CABLES1: variants seen among roughly 807,000 people sequenced by gnomAD.
CABLES1 encodes the protein CDK5 and ABL1 enzyme substrate 1.
Under a neutral mutation model 57.8 loss-of-function variants are expected in CABLES1, and 36 were observed. The observed-to-expected ratio is 0.62, with a 90% CI of 0.48 to 0.82. CABLES1 has a LOEUF of 0.82. Among genes scored for constraint, CABLES1 ranks in the 40% least tolerant of loss-of-function variants. The pLI, the probability that CABLES1 is intolerant of heterozygous loss-of-function variation, is 0.00. For missense variants in CABLES1, 767 were observed against 836.6 expected, an observed-to-expected ratio of 0.92 and a Z score of 1.03; for synonymous variants, 374 against 363.0, an observed-to-expected ratio of 1.03 and a Z score of -0.35.
rs375241211 is a variant in CABLES1, at chr18:23,159,049, G to A, written c.845+22442G>A. Among the ~76,000 whole-genome samples the A allele has an allele frequency of 3.9e-5, 6 of 152,236 alleles. No homozygotes were observed. In the South Asian group the frequency reaches 1.0e-3, roughly 26 times the overall value. On this transcript the variant is annotated intron_variant, in intron 1 of 9. Transcript: ENST00000256925. ...GGCGCGATCTCGGCTCACTGTAACCGCCACCTCTTGAGTTCAAGCGATTCT... is the reference window on the plus strand; with the variant it reads ...GGCGCGATCTCGGCTCACTGTAACCACCACCTCTTGAGTTCAAGCGATTCT...
chr18:23,149,186 G>A (rs1351348955), intron 1 of CABLES1, among the ~76,000 whole-genome samples: 1 of 152,082 alleles, frequency 6.6e-6, no homozygotes, highest in African/African-American at 2.4e-5. Flanking sequence ...GAGCCACTGC[G>A]CCTGGCCTCA....
chr18:23,167,735 G>T (rs1411397807), intron 1 of CABLES1, among the ~76,000 whole-genome samples: 2 of 132,350 alleles, frequency 1.5e-5, no homozygotes, highest in Non-Finnish European at 3.2e-5. Context: ...GCAAGGAGGG[G>T]TCTGTGAGCA....
intron 3 of CABLES1, among the ~76,000 whole-genome samples, chr18:23,206,282 A>T (rs1346780071): frequency 6.6e-6 from 1 of 152,130 alleles, no homozygotes; most frequent in Non-Finnish European, 1.5e-5. Context: ...CGACTTCCCC[A>T]CAGGGCTCAG....
At chr18:23,236,296 C>T (rs2047611365) in intron 6 of CABLES1, among the ~76,000 whole-genome samples, 1 of 152,190 alleles carries the variant, frequency 6.6e-6, no homozygotes, top group African/African-American at 2.4e-5. Flanking sequence ...AGGCCGTGCA[C>T]ACCATGTAGA....
At chr18:23,256,086 C>T (rs777025878) in intron 9 of CABLES1, among the ~76,000 whole-genome samples, 21 of 152,162 alleles carry the variant, frequency 1.4e-4, no homozygotes, top group Non-Finnish European at 2.5e-4. Context: ...CAGCCACTTA[C>T]GGTAGCAAGA....
chr18:23,237,334 G>C (rs2047628405), intron 7 of CABLES1, 89 bp downstream of exon 7: 2 of 882,440 alleles, frequency 2.3e-6, no homozygotes, highest in Non-Finnish European at 3.9e-6. Context: ...TTCAAAGACT[G>C]CTCTGCCTGG....
chr18:23,176,835 A>G (rs1247045307), intron 1 of CABLES1, among the ~76,000 whole-genome samples: 1 of 152,154 alleles, frequency 6.6e-6, no homozygotes, highest in African/African-American at 2.4e-5. Context: ...GCCCTTCAGA[A>G]CAGAGGAAGG....
intron 1 of CABLES1, among the ~76,000 whole-genome samples, chr18:23,155,363 A>G (rs1445249421): frequency 6.6e-6 from 1 of 152,224 alleles, no homozygotes; most frequent in Non-Finnish European, 1.5e-5. Flanking sequence ...GAGTTGGGAA[A>G]CAAATCACTT....
chr18:23,168,611 G>C (rs1255468961), intron 1 of CABLES1, among the ~76,000 whole-genome samples: 1 of 152,188 alleles, frequency 6.6e-6, no homozygotes, highest in African/African-American at 2.4e-5. Context: ...GTAGATTTAT[G>C]CTATGTATCT....
At chr18:23,216,695 T>C (rs2047444684) in intron 4 of CABLES1, among the ~76,000 whole-genome samples, 1 of 152,226 alleles carries the variant, frequency 6.6e-6, no homozygotes, top group African/African-American at 2.4e-5. Context: ...GCAAAGCCAT[T>C]AGGAAGCTGT....
Position 23,136,015 on chromosome 18 carries a change from TG to T in CABLES1, c.257del (p.Gly86AlafsTer47), listed in dbSNP as rs1381083699. 4.4e-6 allele frequency: 5 copies of T among 1,138,360 alleles called. No individual in the cohort carries two copies. The highest frequency in any genetic ancestry group is 4.8e-5 in the Admixed American group (1 of 20,872). The allele number at this position is 1,138,360 out of a possible 1,614,324, so 70.5% of individuals were successfully genotyped here. On this transcript the variant is annotated frameshift_variant, in exon 1 of 10. Transcript: ENST00000256925. LOFTEE classifies it high-confidence loss of function. ...DGRLPPQDAE[W>X]GGGEEGGAAK... ...CCGGCTGCCGCCGCAGGACGCGGAGTGGGGCGGTGGCGAGGAGGGCGGCGCG... is the reference window on the plus strand; with the variant it reads ...CCGGCTGCCGCCGCAGGACGCGGAGTGGGCGGTGGCGAGGAGGGCGGCGCG...
chr18:23,217,083 T>C (rs1310699250), intron 4 of CABLES1, among the ~76,000 whole-genome samples: 3 of 152,110 alleles, frequency 2.0e-5, no homozygotes, highest in Non-Finnish European at 4.4e-5. Context: ...TTTTGTTTTT[T>C]GTTTTTGTTT....
At chr18:23,235,815 G>A in intron 5 of CABLES1, 80 bp from the exon 6 acceptor site, 1 of 1,353,522 alleles carries the variant, frequency 7.4e-7, no homozygotes, top group Non-Finnish European at 1.0e-6. Context: ...AATGTGGGGT[G>A]ACAACTGTAG....
chr18:23,135,653 A>C lies in CABLES1; in HGVS notation c.-110A>C, dbSNP rs2046812789. 6 of 927,764 alleles carry C rather than the reference A, an allele frequency of 6.5e-6. No homozygotes were observed. Among genetic ancestry groups the C allele is most frequent in the Non-Finnish European group, 7.7e-6 (6 of 780,276 alleles). 57.5% of individuals were successfully genotyped at this position (927,764 alleles called of 1,614,324 possible). On this transcript the variant is annotated 5_prime_UTR_variant, in exon 1 of 10. Coordinates refer to ENST00000256925, the MANE Select transcript of CABLES1 (RefSeq NM_001100619.3). ...GCTGGACCGCCGCGCACGCCGCCCG[A>C]TCCCCGCGCCCTACCCAGCCCGGGT...
chr18:23,209,660 A>G (rs927716988), intron 3 of CABLES1, among the ~76,000 whole-genome samples: 6 of 152,180 alleles, frequency 3.9e-5, no homozygotes, highest in Non-Finnish European at 7.4e-5. Context: ...CCTTAAGAGA[A>G]TATTTCTGTT....
In CABLES1 at chr18:23,136,378, GA is replaced by G; in HGVS notation, c.617del (p.Glu206GlyfsTer133). The part of the protein sequence containing the change: ...LLDGSGAAGQ[E>X]ELEEDDAFIS... Reference sequence around the variant, plus strand: ...CGACGGGTCCGGGGCCGCCGGGCAGGAGGAGTTGGAGGAGGACGATGCCTTT... The same window carrying G: ...CGACGGGTCCGGGGCCGCCGGGCAGGGGAGTTGGAGGAGGACGATGCCTTT... On this transcript the variant is annotated frameshift_variant, in exon 1 of 10. Transcript: ENST00000256925. LOFTEE classifies it high-confidence loss of function. 1 of 1,549,672 alleles carries G rather than the reference GA, an allele frequency of 6.5e-7. No homozygotes were observed. Among genetic ancestry groups the G allele is most frequent in the Non-Finnish European group, 8.7e-7 (1 of 1,150,198 alleles).
At chr18:23,147,385 C>G (rs1351670048) in intron 1 of CABLES1, among the ~76,000 whole-genome samples, 1 of 152,350 alleles carries the variant, frequency 6.6e-6, no homozygotes, top group South Asian at 2.1e-4. Context: ...GACTCCAGTA[C>G]TTTTGGGGTG....
chr18:23,137,245 T>C (rs947685791), intron 1 of CABLES1, among the ~76,000 whole-genome samples: 1 of 152,260 alleles, frequency 6.6e-6, no homozygotes, highest in African/African-American at 2.4e-5. Context: ...AAGATGAATT[T>C]GCTTGAGTTC....
At chr18:23,156,154 G>T (rs142305298) in intron 1 of CABLES1, among the ~76,000 whole-genome samples, 8 of 152,302 alleles carry the variant, frequency 5.3e-5, no homozygotes, top group East Asian at 3.9e-4. Flanking sequence ...ACAGAGGGGG[G>T]GCTCCATGGA....
Sources: allele counts gnomAD v4.1 joint callset (sites outside exome capture counted in the v4.1 genomes callset), GRCh38; gene constraint gnomAD v4.1.1; transcripts MANE v1.5; gene names NCBI Gene and HGNC (gene_info 2026-07-23, HGNC 2026-07-21).